OR2V2: variants seen among roughly 807,000 people sequenced by gnomAD.
OR2V2 encodes the protein olfactory receptor 2V2.
For missense variants in OR2V2, 392 were observed against 392.2 expected (o/e 1.00, Z 0.00); for synonymous variants, 161 against 151.3 (o/e 1.06, Z -0.47).
At position 181,158,881 on chromosome 5, in the gene OR2V2, T is replaced by C. The variant is rs967672725; in HGVS notation, c.*2991T>C. On this transcript the variant is annotated 3_prime_UTR_variant, in exon 2 of 2. Transcript: ENST00000641492. ...CATTTTATTGGGTGATTTTGGGGCA[T>C]AGATGTGACAAATCTTCATTGCAAT... 2.0e-5 allele frequency: 3 copies of C among 152,124 alleles called. No homozygotes were observed. Among genetic ancestry groups the C allele is most frequent in the African/African-American group, 7.2e-5 (3 of 41,430 alleles). 9.4% of individuals were successfully genotyped at this position (152,124 alleles called of 1,614,324 possible).
chr5:181,154,532 G>T (rs1454115950), intron 1 of OR2V2, among the ~76,000 whole-genome samples: 3 of 150,818 alleles, frequency 2.0e-5, no homozygotes, highest in Admixed American at 2.0e-4. Flanking sequence ...GGAGGTTGCA[G>T]TGAGCAGAGA....
At position 181,155,623 on chromosome 5, in the gene OR2V2, G is replaced by T; in HGVS notation, c.681G>T (p.Leu227=). The change falls in exon 2 of 2, where the codon CTG becomes CTT. Residue 227 remains leucine, a synonymous_variant. Coordinates refer to ENST00000641492, the MANE Select transcript of OR2V2 (RefSeq NM_206880.2). ...ASYAHILGTV[L]QMHSAQAWKK... ...ATGCTCACATTCTAGGGACTGTGCT[G>T]CAAATGCACTCTGCTCAGGCCTGGA... is the stretch of plus-strand genomic sequence containing the variant. 1 of 1,614,182 alleles carries T rather than the reference G, an allele frequency of 6.2e-7. No homozygotes were observed. The highest frequency in any genetic ancestry group is 1.1e-5 in the South Asian group (1 of 91,078).
chr5:181,156,696 A>T lies in OR2V2; in HGVS notation c.*806A>T, dbSNP rs752717688. On this transcript the variant is annotated 3_prime_UTR_variant, in exon 2 of 2. Transcript: ENST00000641492. ...ATGTGTAGACGTAGATCCCACCTGCATGATGTTTATATGATGTCTCACAAC... is the reference window on the plus strand; with the variant it reads ...ATGTGTAGACGTAGATCCCACCTGCTTGATGTTTATATGATGTCTCACAAC... 6.6e-6 allele frequency: 1 copy of T among 152,230 alleles called. No individual in the cohort carries two copies. The highest frequency in any genetic ancestry group is 1.5e-5 in the Non-Finnish European group (1 of 68,032). The allele number at this position is 152,230 out of a possible 1,614,324, so 9.4% of individuals were successfully genotyped here. A position where few individuals can be genotyped will look rare whatever the true frequency, so the allele number is the denominator to read the frequency against.
At chr5:181,150,115 A>T (rs942705053) in intron 1 of OR2V2, among the ~76,000 whole-genome samples, 1 of 152,196 alleles carries the variant, frequency 6.6e-6, no homozygotes, top group Non-Finnish European at 1.5e-5. Context: ...CTTCTATAGA[A>T]AACCCCCACC....
intron 1 of OR2V2, among the ~76,000 whole-genome samples, chr5:181,148,784 A>G (rs73355622): frequency 0.015 from 2,234 of 152,254 alleles, 47 homozygotes; most frequent in African/African-American, 0.051. Flanking sequence ...AAGGATTTCA[A>G]CTCTAAATGG....
At chr5:181,153,990 C>T (rs1034068526) in intron 1 of OR2V2, among the ~76,000 whole-genome samples, 3 of 152,226 alleles carry the variant, frequency 2.0e-5, no homozygotes, top group African/African-American at 7.2e-5. Context: ...GGCACCAAGT[C>T]ATTGCTTCAC....
At chr5:181,151,126 G>A (rs1016782480) in intron 1 of OR2V2, among the ~76,000 whole-genome samples, 1 of 152,072 alleles carries the variant, frequency 6.6e-6, no homozygotes, top group Non-Finnish European at 1.5e-5. Flanking sequence ...ACCTGAAGGA[G>A]GGTGTAGACA....
At chr5:181,150,065 G>T (rs1451162072) in intron 1 of OR2V2, among the ~76,000 whole-genome samples, 1 of 152,216 alleles carries the variant, frequency 6.6e-6, no homozygotes, top group African/African-American at 2.4e-5. Context: ...GGGCCCCTAT[G>T]ACCAAGATGG....
intron 1 of OR2V2, among the ~76,000 whole-genome samples, chr5:181,153,024 G>A (rs1422933711): frequency 3.3e-5 from 5 of 152,236 alleles, no homozygotes; most frequent in Non-Finnish European, 7.3e-5. Context: ...GCAGTGCTGC[G>A]CTACTTACAG....
At position 181,158,256 on chromosome 5, in the gene OR2V2, C is replaced by G. The variant is rs1408653400; in HGVS notation, c.*2366C>G. 2.0e-5 allele frequency: 3 copies of G among 151,814 alleles called. No homozygotes were observed. The highest frequency in any genetic ancestry group is 2.9e-5 in the Non-Finnish European group (2 of 68,036). The allele number at this position is 151,814 out of a possible 1,614,324, so 9.4% of individuals were successfully genotyped here. ...ATGAAACAAGAGTTGCATAACTAGT[C>G]TCAGTGTGAGCAACTGCAAACTTAG... On this transcript the variant is annotated 3_prime_UTR_variant, in exon 2 of 2. Coordinates refer to ENST00000641492, the MANE Select transcript of OR2V2 (RefSeq NM_206880.2).
chr5:181,156,039 G>GT lies in OR2V2; in HGVS notation c.*151dup, dbSNP rs1554096516. 1 of 493,944 alleles carries GT rather than the reference G, an allele frequency of 2.0e-6. No homozygotes were observed. 30.6% of individuals were successfully genotyped at this position (493,944 alleles called of 1,614,324 possible). On this transcript the variant is annotated 3_prime_UTR_variant, in exon 2 of 2. Transcript: ENST00000641492. Reference sequence around the variant, plus strand: ...GAAGGTCTTTTTAAACACTACATCAGTTCTTTCTTTCTTTCTTTCTTTCTT... The same window carrying GT: ...GAAGGTCTTTTTAAACACTACATCAGTTTCTTTCTTTCTTTCTTTCTTTCTT...
At chr5:181,150,084 G>A (rs1200693238) in intron 1 of OR2V2, among the ~76,000 whole-genome samples, 1 of 152,184 alleles carries the variant, frequency 6.6e-6, no homozygotes, top group Non-Finnish European at 1.5e-5. Context: ...GGTGTTTGAA[G>A]ACTGTGAGAA....
chr5:181,153,103 A>G (rs986031260), intron 1 of OR2V2, among the ~76,000 whole-genome samples: 2 of 152,206 alleles, frequency 1.3e-5, no homozygotes, highest in African/African-American at 4.8e-5. Flanking sequence ...GCAAATGAGA[A>G]ATAGAACATG....
chr5:181,154,865 A>G (rs1419918228), intron 1 of OR2V2, 54 bp from the exon 2 acceptor site: 5 of 959,934 alleles, frequency 5.2e-6, no homozygotes, highest in Non-Finnish European at 5.0e-6. Flanking sequence ...ACATAGCAGC[A>G]GAGGTCTATA....
In OR2V2 at chr5:181,156,215, T is replaced by C; in HGVS notation, c.*325T>C. The C allele has an allele frequency of 4.0e-6, 1 of 248,388 alleles. No homozygotes were observed. The allele number at this position is 248,388 out of a possible 1,614,324, so 15.4% of individuals were successfully genotyped here. On this transcript the variant is annotated 3_prime_UTR_variant, in exon 2 of 2. Transcript: ENST00000641492. The stretch of plus-strand genomic sequence containing the variant: ...TTGATCTCCTGGGCTCAGGTGAGTC[T>C]CCAACTCAGCCTCCTGAGTAGCTGG...
At position 181,155,309 on chromosome 5, in the gene OR2V2, C is replaced by A; in HGVS notation, c.367C>A (p.Arg123Ser). 1 of 1,614,120 alleles carries A rather than the reference C, an allele frequency of 6.2e-7. No individual in the cohort carries two copies. The highest frequency in any genetic ancestry group is 8.5e-7 in the Non-Finnish European group (1 of 1,180,020). The change falls in exon 2 of 2, where the codon CGC (arginine) becomes AGC (serine). Residue 123 changes from arginine (R) to serine (S), a missense_variant. By Grantham distance (110) the Arg-to-Ser change is moderately radical. Transcript: ENST00000641492. ...CTTGCTGGGACTCATGGCTTATGAC[C>A]GCTATGTGGCCATTAGCCACCCACT... The part of the protein sequence containing the change: ...GLLLGLMAYD[R>S]YVAISHPLHY...
chr5:181,155,004 A>T lies in OR2V2; in HGVS notation c.62A>T (p.His21Leu). ...DGFFLLGIFS[H>L]STADLVLFSV... is the part of the protein sequence containing the mutation. ...TTCTTCCTCTTAGGCATCTTCTCCC[A>T]CAGTACTGCTGACCTTGTCCTCTTC... The change falls in exon 2 of 2, where the codon CAC becomes CTC. Residue 21 changes from histidine (H) to leucine (L), a missense_variant. Coordinates refer to ENST00000641492, the MANE Select transcript of OR2V2 (RefSeq NM_206880.2). 6.2e-7 allele frequency: 1 copy of T among 1,614,150 alleles called. No homozygotes were observed. The highest frequency in any genetic ancestry group is 8.5e-7 in the Non-Finnish European group (1 of 1,180,010).
At chr5:181,154,655 G>T (rs569407201) in intron 1 of OR2V2, among the ~76,000 whole-genome samples, 1 of 151,278 alleles carries the variant, frequency 6.6e-6, no homozygotes, top group South Asian at 2.1e-4. Context: ...GAAGGGGGTT[G>T]TCCGAAGGTC....
chr5:181,148,944 C>T (rs193197002), intron 1 of OR2V2, among the ~76,000 whole-genome samples: 14 of 152,168 alleles, frequency 9.2e-5, no homozygotes, highest in East Asian at 7.7e-4. Context: ...GAGGGAATCC[C>T]GCAGGGAGGC....
Sources: allele counts gnomAD v4.1 joint callset (sites outside exome capture counted in the v4.1 genomes callset), GRCh38; gene constraint gnomAD v4.1.1; transcripts MANE v1.5; gene names NCBI Gene and HGNC (gene_info 2026-07-23, HGNC 2026-07-21).